NUP98: variants seen among roughly 807,000 people sequenced by gnomAD.
The protein encoded by NUP98 is nuclear pore complex protein Nup98-Nup96.
NUP98 carries 26 observed loss-of-function variants against 191.9 expected under a neutral mutation model. That is an observed-to-expected ratio of 0.14 (90% CI 0.10 to 0.19). The LOEUF (loss-of-function observed/expected upper bound fraction) is 0.19. Among genes scored for constraint, NUP98 ranks in the 10% least tolerant of loss-of-function variants. The pLI is 1.00. For synonymous variants in NUP98, 808 were observed against 778.4 expected (o/e 1.04, Z -0.63); for missense variants, 1,941 against 2,178.8 (o/e 0.89, Z 2.17).
chr11:3,771,384 C>T (rs1030246338), intron 7 of NUP98, among the ~76,000 whole-genome samples: 1 of 152,104 alleles, frequency 6.6e-6, no homozygotes, highest in East Asian at 1.9e-4. Context: ...TAAAATATGG[C>T]CCCTATATCC....
intron 15 of NUP98, 47 bp downstream of exon 15, chr11:3,725,056 G>C (rs770804824): frequency 2.5e-6 from 2 of 813,312 alleles, no homozygotes; most frequent in South Asian, 3.2e-5. Context: ...TTAAAAATGA[G>C]ACTATAACTC....
chr11:3,740,803 A>G (rs74049666), intron 12 of NUP98, among the ~76,000 whole-genome samples: 15,412 of 150,672 alleles, frequency 0.1, 1,661 homozygotes, highest in African/African-American at 0.27. Context: ...TGAGCTTTTA[A>G]ATATAAATAT....
chr11:3,782,846 C>G (rs61896898), intron 1 of NUP98, among the ~76,000 whole-genome samples: 7,713 of 152,180 alleles, frequency 0.051, 257 homozygotes, highest in Middle Eastern at 0.099. Context: ...GCGCAAACCA[C>G]CGCACCCGGC....
At chr11:3,728,885 G>A (rs1744245680) in intron 14 of NUP98, among the ~76,000 whole-genome samples, 1 of 152,204 alleles carries the variant, frequency 6.6e-6, no homozygotes, top group African/African-American at 2.4e-5. Flanking sequence ...TTACAGGGTA[G>A]AACCAAGAGG....
intron 4 of NUP98, 125 bp downstream of exon 4, chr11:3,778,748 T>C: frequency 1.4e-5 from 13 of 927,422 alleles, no homozygotes; most frequent in Admixed American, 2.4e-5. Context: ...AGTTTTCCTC[T>C]TCCCTTGTTT....
Position 3,683,278 on chromosome 11 carries a change from G to A in NUP98, c.4840C>T (p.His1614Tyr). Residue 1614 changes from histidine to tyrosine, a missense_variant, in exon 30 of 33, where the codon CAC becomes TAC. Transcript: ENST00000324932. Reference sequence around the variant, plus strand: ...TTAAATAAGCAAAGGGCCTCTAAGTGCTTGTCAGATTCCATGTGTGCTCGC... The same window carrying A: ...TTAAATAAGCAAAGGGCCTCTAAGTACTTGTCAGATTCCATGTGTGCTCGC... ...AVRAHMESDK[H>Y]LEALCLFKAE... The A allele has an allele frequency of 6.2e-7, 1 of 1,614,152 alleles. No homozygotes were observed. The highest frequency in any genetic ancestry group is 8.5e-7 in the Non-Finnish European group (1 of 1,180,024).
rs147238571 is a variant in NUP98, at chr11:3,706,526, C to G, written c.2844G>C (p.Glu948Asp). 92 of 1,614,026 alleles carry G rather than the reference C, an allele frequency of 5.7e-5. No homozygotes were observed. The highest frequency in any genetic ancestry group is 7.6e-5 in the Non-Finnish European group (90 of 1,180,012). The change falls in exon 21 of 33, where the codon GAG becomes GAC. Residue 948 changes from glutamate (E) to aspartate (D), a missense_variant. Glu to Asp is a conservative substitution (Grantham distance 45, BLOSUM62 2). This residue lies in a region of NUP98 where 1,030 missense variants were observed against 1,115.8 expected (regional missense o/e 0.92). Coordinates refer to ENST00000324932, the MANE Select transcript of NUP98 (RefSeq NM_016320.5). ...CAGGTTCCTGATCCTCAGGCATGCT[C>G]TCTTCTAACATGGTATCCAAAACTG... ...QEPVLDTMLEESMPEDQEPVS... is the reference protein window; with the variant it reads ...QEPVLDTMLEDSMPEDQEPVS...
At chr11:3,782,569 C>CT (rs1564925818) in intron 1 of NUP98, among the ~76,000 whole-genome samples, 31 of 122,044 alleles carry the variant, frequency 2.5e-4, no homozygotes, top group African/African-American at 4.7e-4. Flanking sequence ...AAAAAGCTAA[C>CT]ATTTTTTTTT....
chr11:3,716,624 G>C (rs1172693187), intron 18 of NUP98, among the ~76,000 whole-genome samples: 1 of 152,044 alleles, frequency 6.6e-6, no homozygotes. Flanking sequence ...CAGGAGAATA[G>C]CTTGAACCTG....
chr11:3,731,292 G>T (rs2079837437), intron 14 of NUP98, 99 bp downstream of exon 14: 2 of 819,690 alleles, frequency 2.4e-6, no homozygotes, highest in Non-Finnish European at 1.7e-6. Flanking sequence ...AAAGTGGACT[G>T]TATCACATCT....
intron 10 of NUP98, 62 bp downstream of exon 10, chr11:3,760,477 T>C: frequency 6.2e-7 from 1 of 1,613,780 alleles, no homozygotes; most frequent in Non-Finnish European, 8.5e-7. Context: ...AAACCTGCTT[T>C]TTATATGTAC....
At chr11:3,723,526 C>T (rs2079489600) in intron 15 of NUP98, 71 bp from the exon 16 acceptor site, 3 of 1,301,622 alleles carry the variant, frequency 2.3e-6, no homozygotes, top group African/African-American at 1.5e-5. Context: ...TAACTAATAC[C>T]GAGCCTTTAC....
intron 18 of NUP98, among the ~76,000 whole-genome samples, chr11:3,716,633 T>C (rs930015453): frequency 3.3e-5 from 5 of 151,956 alleles, no homozygotes; most frequent in African/African-American, 1.2e-4. Flanking sequence ...AGCTTGAACC[T>C]GGGGGCAGAG....
intron 11 of NUP98, among the ~76,000 whole-genome samples, chr11:3,746,727 AC>A (rs1262292389): frequency 6.6e-6 from 1 of 151,804 alleles, no homozygotes; most frequent in Non-Finnish European, 1.5e-5. Context: ...AGCCTGACAA[AC>A]ATGGAGAAAC....
At chr11:3,732,090 T>G (rs1057259414) in intron 13 of NUP98, among the ~76,000 whole-genome samples, 2 of 152,150 alleles carry the variant, frequency 1.3e-5, no homozygotes, top group African/African-American at 2.4e-5. Context: ...ATCAAGATAA[T>G]GAATCTGTTA....
chr11:3,695,090 G>C (rs752896876), intron 26 of NUP98, among the ~76,000 whole-genome samples: 4 of 152,138 alleles, frequency 2.6e-5, no homozygotes, highest in African/African-American at 4.8e-5. Flanking sequence ...TTGAACTTAG[G>C]AGATGGAGGA....
rs1244092441 is a variant in NUP98, at chr11:3,797,436, C to T, written c.-65G>A. The T allele has an allele frequency of 4.8e-6, 2 of 414,108 alleles. No homozygotes were observed. Among genetic ancestry groups the T allele is most frequent in the Non-Finnish European group, 8.5e-6 (2 of 235,266 alleles). 25.7% of individuals were successfully genotyped at this position (414,108 alleles called of 1,614,324 possible). On this transcript the variant is annotated 5_prime_UTR_variant, in exon 1 of 33. Coordinates refer to ENST00000324932, the MANE Select transcript of NUP98 (RefSeq NM_016320.5). ...GGGGAAGGGGAAGTGTCAGGAGTCC[C>T]CTGCTGCCACCCGCCGCTCACAGAG... is the stretch of plus-strand genomic sequence containing the variant.
chr11:3,740,643 A>G (rs117288718), intron 12 of NUP98, among the ~76,000 whole-genome samples: 4 of 151,994 alleles, frequency 2.6e-5, no homozygotes, highest in African/African-American at 9.7e-5. Flanking sequence ...GAGAAGGGCA[A>G]CTACTGTGGT....
At chr11:3,737,421 C>T (rs981576944) in intron 12 of NUP98, among the ~76,000 whole-genome samples, 4 of 151,500 alleles carry the variant, frequency 2.6e-5, no homozygotes, top group Non-Finnish European at 5.9e-5. Flanking sequence ...GTCAGGAGAT[C>T]GAGACTATCC....
Sources: gnomAD v4.1 joint callset for allele counts (sites outside exome capture counted in the v4.1 genomes callset) on GRCh38, gnomAD v4.1.1 for gene constraint, gnomAD v4.1.1 regional missense constraint, MANE v1.5 for transcripts, NCBI Gene and HGNC (gene_info 2026-07-23, HGNC 2026-07-21) for gene names.